The following L3MBTL4 variants were observed in gnomAD, a reference collection of about 807,000 sequenced individuals.
L3MBTL4 encodes the protein lethal(3)malignant brain tumor-like protein 4.
Under a neutral mutation model 84.5 loss-of-function variants are expected in L3MBTL4, and 70 were observed. The ratio of observed to expected loss-of-function variants is 0.83; its 90% confidence interval spans 0.68 to 1.01. L3MBTL4 has a LOEUF of 1.01. Ranked by LOEUF, L3MBTL4 falls within the 50% of genes least tolerant of loss-of-function variation. L3MBTL4 has a pLI of 0.00. For missense variants in L3MBTL4, 715 were observed against 754.8 expected (o/e 0.95, Z 0.62); for synonymous variants, 274 against 259.8 (o/e 1.05, Z -0.52).
intron 14 of L3MBTL4, among the ~76,000 whole-genome samples, chr18:6,099,051 G>A (rs1486413804): frequency 1.3e-5 from 2 of 152,200 alleles, no homozygotes; most frequent in Non-Finnish European, 2.9e-5. Flanking sequence ...TCACCATGTG[G>A]CCTCAGGTCC....
intron 1 of L3MBTL4, among the ~76,000 whole-genome samples, chr18:6,400,093 T>C (rs781389886): frequency 2.8e-4 from 42 of 152,202 alleles, no homozygotes; most frequent in Non-Finnish European, 4.6e-4. Context: ...TCTAATATAG[T>C]GCTATAAAGA....
chr18:6,075,587 A>T (rs953161240), intron 16 of L3MBTL4, among the ~76,000 whole-genome samples: 2 of 152,172 alleles, frequency 1.3e-5, no homozygotes, highest in African/African-American at 4.8e-5. Flanking sequence ...CTAGAATAAA[A>T]ATCAGCAAAA....
chr18:6,038,627 G>A (rs1163055350), intron 16 of L3MBTL4, among the ~76,000 whole-genome samples: 4 of 152,018 alleles, frequency 2.6e-5, no homozygotes, highest in Non-Finnish European at 4.4e-5. Flanking sequence ...GGGGGAGAGC[G>A]GCACTTCTGT....
intron 13 of L3MBTL4, among the ~76,000 whole-genome samples, chr18:6,154,627 A>G (rs1192762810): frequency 6.6e-6 from 1 of 152,188 alleles, no homozygotes; most frequent in African/African-American, 2.4e-5. Flanking sequence ...ATGACCCTCA[A>G]TTCACACCAA....
chr18:6,327,249 C>G (rs538822760), intron 1 of L3MBTL4, among the ~76,000 whole-genome samples: 2 of 152,142 alleles, frequency 1.3e-5, no homozygotes, highest in African/African-American at 4.8e-5. Flanking sequence ...TGGAACTATG[C>G]ATGCCTAGAA....
intron 1 of L3MBTL4, among the ~76,000 whole-genome samples, chr18:6,366,081 G>A (rs1599792078): frequency 6.6e-6 from 1 of 152,160 alleles, no homozygotes; most frequent in South Asian, 2.1e-4. Flanking sequence ...ATTAAGGAAA[G>A]AAACTTCCAA....
chr18:6,102,824 T>C (rs574121324), intron 14 of L3MBTL4, among the ~76,000 whole-genome samples: 1 of 152,326 alleles, frequency 6.6e-6, no homozygotes, highest in Non-Finnish European at 1.5e-5. Context: ...TTGGTATGCA[T>C]TAAGAGATAC....
chr18:6,261,943 A>G (rs2048420523), intron 5 of L3MBTL4, among the ~76,000 whole-genome samples: 1 of 152,066 alleles, frequency 6.6e-6, no homozygotes, highest in African/African-American at 2.4e-5. Flanking sequence ...TAACACCCAA[A>G]CATCTGATTT....
intron 14 of L3MBTL4, among the ~76,000 whole-genome samples, chr18:6,130,702 C>T (rs557843180): frequency 2.6e-4 from 40 of 152,248 alleles, no homozygotes; most frequent in Non-Finnish European, 5.1e-4. Flanking sequence ...AAAAAAATTT[C>T]GTATCTAATC....
chr18:6,120,474 C>T (rs2059490444), intron 14 of L3MBTL4, among the ~76,000 whole-genome samples: 2 of 152,142 alleles, frequency 1.3e-5, no homozygotes, highest in African/African-American at 4.8e-5. Context: ...TTCTTGAGGT[C>T]ATTTTTGTTT....
chr18:6,349,138 A>T (rs771690493), intron 1 of L3MBTL4, among the ~76,000 whole-genome samples: 12 of 152,232 alleles, frequency 7.9e-5, no homozygotes, highest in Non-Finnish European at 1.8e-4. Flanking sequence ...AACCATTTGG[A>T]AGTAACTATT....
At chr18:6,380,702 T>C (rs1404111093) in intron 1 of L3MBTL4, among the ~76,000 whole-genome samples, 1 of 152,218 alleles carries the variant, frequency 6.6e-6, no homozygotes, top group Non-Finnish European at 1.5e-5. Context: ...TGCTTCCCAT[T>C]CTTTTGCATT....
chr18:6,236,662 C>A (rs1433717020), intron 10 of L3MBTL4, among the ~76,000 whole-genome samples: 1 of 152,136 alleles, frequency 6.6e-6, no homozygotes, highest in East Asian at 1.9e-4. Flanking sequence ...TAGTTTTAGC[C>A]ACTTTTACAG....
chr18:6,247,573 G>C (rs1378978088), intron 5 of L3MBTL4, among the ~76,000 whole-genome samples: 3 of 145,822 alleles, frequency 2.1e-5, no homozygotes, highest in African/African-American at 7.8e-5. Context: ...CCGGCTCCCA[G>C]GTTCAAGCGA....
At chr18:6,192,011 A>T (rs2045125547) in intron 12 of L3MBTL4, among the ~76,000 whole-genome samples, 1 of 148,704 alleles carries the variant, frequency 6.7e-6, no homozygotes, top group Admixed American at 6.6e-5. Flanking sequence ...CCCCTCAAAA[A>T]AAAAAAGAAA....
chr18:6,404,536 T>C (rs995240154), intron 1 of L3MBTL4, among the ~76,000 whole-genome samples: 3 of 152,170 alleles, frequency 2.0e-5, no homozygotes, highest in Admixed American at 1.3e-4. Flanking sequence ...AAAAGTGCCA[T>C]TCTACAGAAG....
intron 1 of L3MBTL4, among the ~76,000 whole-genome samples, chr18:6,371,773 T>C (rs2054170522): frequency 6.6e-6 from 1 of 152,208 alleles, no homozygotes; most frequent in Non-Finnish European, 1.5e-5. Context: ...GAAAACCTAA[T>C]AATTTGATCT....
chr18:6,141,598 C>T (rs752620858), intron 13 of L3MBTL4, among the ~76,000 whole-genome samples: 3 of 152,126 alleles, frequency 2.0e-5, no homozygotes, highest in South Asian at 2.1e-4. Context: ...CATCATTTCT[C>T]GCTGGATCCT....
intron 13 of L3MBTL4, among the ~76,000 whole-genome samples, chr18:6,139,565 T>C (rs917491263): frequency 6.6e-6 from 1 of 151,982 alleles, no homozygotes; most frequent in African/African-American, 2.4e-5. Flanking sequence ...TCCTGGAACG[T>C]CCCATCCCAT....
Sources: gnomAD v4.1 joint callset for allele counts (sites outside exome capture counted in the v4.1 genomes callset) on GRCh38, gnomAD v4.1.1 for gene constraint, MANE v1.5 for transcripts, NCBI Gene and HGNC (gene_info 2026-07-23, HGNC 2026-07-21) for gene names.